Variants in SCFD2 observed in about 807,000 individuals in gnomAD.
SCFD2 encodes sec1 family domain containing 2, also known as sec1 family domain-containing protein 2.
In SCFD2, 54 loss-of-function variants were observed where a neutral mutation model predicts 58.9. That is an observed-to-expected ratio of 0.92 (90% CI 0.74 to 1.15). SCFD2 has a LOEUF of 1.15. SCFD2 is among the 50% of genes most tolerant of loss of function. SCFD2 has a pLI of 0.00. For missense variants in SCFD2, 805 were observed against 836.6 expected (o/e 0.96, Z 0.47); for synonymous variants, 321 against 335.9 (o/e 0.96, Z 0.49).
Position 52,920,873 on chromosome 4 carries a change from G to A in SCFD2, c.1562-3C>T. ...CAGATTAATTGAAGAGTCCCAGTCT[G>A]AAAAAATCCAGAGATATTTTCTTGA... On this transcript the variant is annotated splice_polypyrimidine_tract_variant and splice_region_variant and intron_variant, in intron 5 of 8. Transcript: ENST00000401642. 2 of 1,584,920 alleles carry A rather than the reference G, an allele frequency of 1.3e-6. No individual in the cohort carries two copies. Among genetic ancestry groups the A allele is most frequent in the South Asian group, 1.2e-5 (1 of 86,270 alleles).
chr4:53,231,104 T>C (rs1213233221), intron 4 of SCFD2, among the ~76,000 whole-genome samples: 2 of 152,106 alleles, frequency 1.3e-5, no homozygotes, highest in South Asian at 2.1e-4. Context: ...TAAGGGACTA[T>C]GGCATACTAA....
At chr4:52,947,337 T>C (rs1347753447) in intron 5 of SCFD2, among the ~76,000 whole-genome samples, 2 of 152,146 alleles carry the variant, frequency 1.3e-5, no homozygotes, top group Non-Finnish European at 2.9e-5. Flanking sequence ...CAGTTGAAAC[T>C]CAGGTTCCAT....
intron 2 of SCFD2, among the ~76,000 whole-genome samples, chr4:53,344,835 AC>A (rs1483173580): frequency 2.6e-5 from 4 of 152,226 alleles, no homozygotes; most frequent in Non-Finnish European, 4.4e-5. Context: ...ACCTGAGAAA[AC>A]AAGCAACGGG....
At chr4:52,923,593 G>T (rs1719795121) in intron 5 of SCFD2, among the ~76,000 whole-genome samples, 1 of 152,108 alleles carries the variant, frequency 6.6e-6, no homozygotes, top group Non-Finnish European at 1.5e-5. Context: ...AGACTGCAGG[G>T]GATTGGGGGG....
rs528530656 is a variant in SCFD2, at chr4:53,156,630, G to A, written c.1312-11048C>T. 5.3e-5 allele frequency among the ~76,000 whole-genome samples: 8 copies of A among 152,280 alleles called. No individual in the cohort carries two copies. The East Asian group carries it at 5.8e-4, about 11-fold the overall frequency. On this transcript the variant is annotated intron_variant, in intron 4 of 8. Transcript: ENST00000401642. Reference sequence around the variant, plus strand: ...GGAGAATGGCATGAACCCAGGAGGCGGAGCTTGCCGTGAGCCGAGATTGAG... The same window carrying A: ...GGAGAATGGCATGAACCCAGGAGGCAGAGCTTGCCGTGAGCCGAGATTGAG...
Position 53,035,513 on chromosome 4 carries a change from G to A in SCFD2, c.1561+109820C>T, listed in dbSNP as rs557092251. 2.6e-5 allele frequency among the ~76,000 whole-genome samples: 4 copies of A among 152,146 alleles called. 1 individual carries two copies. In the East Asian group the frequency reaches 5.8e-4, roughly 22 times the overall value. On this transcript the variant is annotated intron_variant, in intron 5 of 8. Transcript: ENST00000401642. ...ACTAAAGAGCTTCTGCACAGCAAAA[G>A]AAACTATCATCAGAGTGAACAGGTA...
Position 53,067,470 on chromosome 4 carries a change from A to G in SCFD2, c.1561+77863T>C, listed in dbSNP as rs142022007. On this transcript the variant is annotated intron_variant, in intron 5 of 8. Coordinates refer to ENST00000401642, the MANE Select transcript of SCFD2 (RefSeq NM_152540.4). ...GGTTCGGCTCTGTGTCCCCACCCAA[A>G]TCTCACCTTGAAGTGTAATAATCCC... is the stretch of plus-strand genomic sequence containing the variant. Among the ~76,000 whole-genome samples, 10 of 152,104 alleles carry G rather than the reference A, an allele frequency of 6.6e-5. No individual in the cohort carries two copies. The East Asian group carries it at 1.9e-3, about 30-fold the overall frequency.
chr4:52,966,782 T>C (rs1359258120), intron 5 of SCFD2, among the ~76,000 whole-genome samples: 1 of 152,236 alleles, frequency 6.6e-6, no homozygotes, highest in Non-Finnish European at 1.5e-5. Flanking sequence ...ATACATTTTC[T>C]TAACTAAAGT....
chr4:53,342,437 G>A (rs1733911180), intron 2 of SCFD2, among the ~76,000 whole-genome samples: 1 of 152,124 alleles, frequency 6.6e-6, no homozygotes, highest in Non-Finnish European at 1.5e-5. Context: ...ACCCAATACA[G>A]GAGCACCCAG....
chr4:52,960,709 GAC>G (rs72290110), intron 5 of SCFD2, among the ~76,000 whole-genome samples: 104,910 of 149,766 alleles, frequency 0.7, 37,528 homozygotes, highest in South Asian at 0.83. Context: ...TTCTTTCTCT[GAC>G]ACACACACAC....
intron 5 of SCFD2, among the ~76,000 whole-genome samples, chr4:52,954,100 G>A (rs1327921641): frequency 6.6e-6 from 1 of 152,212 alleles, no homozygotes; most frequent in Non-Finnish European, 1.5e-5. Context: ...AGCACAGGGA[G>A]CAGTGCCTGG....
At chr4:52,875,328 C>T (rs1342060130) in intron 8 of SCFD2, among the ~76,000 whole-genome samples, 1 of 152,118 alleles carries the variant, frequency 6.6e-6, no homozygotes, top group Non-Finnish European at 1.5e-5. Context: ...TTCCCTGGGT[C>T]TGGGCTGGGG....
intron 2 of SCFD2, among the ~76,000 whole-genome samples, chr4:53,324,393 G>A (rs993207612): frequency 1.4e-5 from 2 of 147,842 alleles, no homozygotes; most frequent in Non-Finnish European, 3.0e-5. Context: ...ACTTCAGCCT[G>A]GGTGACAGAG....
At chr4:53,215,734 G>A (rs1382759860) in intron 4 of SCFD2, among the ~76,000 whole-genome samples, 5 of 152,124 alleles carry the variant, frequency 3.3e-5, no homozygotes, top group African/African-American at 1.2e-4. Context: ...AGTTTTCAAA[G>A]GGAATGCTTC....
intron 5 of SCFD2, among the ~76,000 whole-genome samples, chr4:53,052,306 T>G (rs1342639600): frequency 2.0e-5 from 3 of 152,184 alleles, no homozygotes; most frequent in African/African-American, 7.2e-5. Context: ...ACCTAATTCC[T>G]GCTCATCTTT....
chr4:53,349,797 T>C (rs187691588), intron 2 of SCFD2, among the ~76,000 whole-genome samples: 1 of 152,356 alleles, frequency 6.6e-6, no homozygotes, highest in East Asian at 1.9e-4. Context: ...TGTCCAATGA[T>C]GGGCTCTTCT....
At chr4:52,913,245 G>A (rs897568884) in intron 6 of SCFD2, among the ~76,000 whole-genome samples, 4 of 152,134 alleles carry the variant, frequency 2.6e-5, no homozygotes, top group Non-Finnish European at 2.9e-5. Flanking sequence ...TGGCCTGTTA[G>A]GAACCGGGCC....
rs369944739 is a variant in SCFD2 at position 52,986,491 on chromosome 4, ATT to A, written c.1562-65623_1562-65622del. 4.9e-3 allele frequency among the ~76,000 whole-genome samples: 415 copies of A among 84,896 alleles called. 2 individuals are homozygous for A. Among genetic ancestry groups the A allele is most frequent in the South Asian group, 0.044 (96 of 2,198 alleles). 55.7% of individuals were successfully genotyped at this position (84,896 alleles called of 152,430 possible). A position where few individuals can be genotyped will look rare whatever the true frequency, so the allele number is the denominator to read the frequency against. ...ATCTCAAGCTTAGGATCTTCATGAAATTTTTTTTTTTTTTTTTTTTTTTTTGA... is the reference window on the plus strand; with the variant it reads ...ATCTCAAGCTTAGGATCTTCATGAAATTTTTTTTTTTTTTTTTTTTTTTGA... On this transcript the variant is annotated intron_variant, in intron 5 of 8. Transcript: ENST00000401642.
intron 4 of SCFD2, among the ~76,000 whole-genome samples, chr4:53,165,288 C>T (rs1726972278): frequency 6.6e-6 from 1 of 152,118 alleles, no homozygotes; most frequent in Non-Finnish European, 1.5e-5. Flanking sequence ...ACTGTCTCTT[C>T]AACTGTATAC....
Sources: gnomAD v4.1 joint callset for allele counts (sites outside exome capture counted in the v4.1 genomes callset) on GRCh38, gnomAD v4.1.1 for gene constraint, MANE v1.5 for transcripts, NCBI Gene and HGNC (gene_info 2026-07-23, HGNC 2026-07-21) for gene names.